ENOX1: variants seen among roughly 807,000 people sequenced by gnomAD.
ENOX1 encodes the protein ecto-NOX disulfide-thiol exchanger 1.
A neutral mutation model predicts 82.5 loss-of-function variants in ENOX1; 42 were observed. That is an observed-to-expected ratio of 0.51 (90% confidence interval 0.40 to 0.66). The LOEUF (loss-of-function observed/expected upper bound fraction) is 0.66, where lower values mean the gene tolerates loss of function less well. ENOX1 is among the 30% of genes least tolerant of loss of function. The pLI is 0.00. For missense variants in ENOX1, 608 were observed against 811.6 expected (o/e 0.75, Z 3.05); for synonymous variants, 271 against 282.2 (o/e 0.96, Z 0.40).
chr13:43,726,691 G>A (rs1381603368), intron 1 of ENOX1, among the ~76,000 whole-genome samples: 1 of 151,838 alleles, frequency 6.6e-6, no homozygotes, highest in Non-Finnish European at 1.5e-5. Flanking sequence ...AGCTCTAAAG[G>A]AGGAAACTGA....
At position 43,413,025 on chromosome 13, in the gene ENOX1, A is replaced by C. The variant is rs1253378566; in HGVS notation, c.-74-37T>G. On this transcript the variant is annotated intron_variant, in intron 3 of 16. Transcript: ENST00000690772. ...GACAGAAGTGTGGTGAGAAACCTTAATAGTTAACTGAGATAAAACGTCAAG... is the reference window on the plus strand; with the variant it reads ...GACAGAAGTGTGGTGAGAAACCTTACTAGTTAACTGAGATAAAACGTCAAG... The C allele has an allele frequency of 3.4e-6, 5 of 1,470,148 alleles. No individual in the cohort carries two copies. In the African/African-American group the frequency reaches 7.2e-5, roughly 21 times the overall value. 91.1% of individuals were successfully genotyped at this position (1,470,148 alleles called of 1,614,324 possible).
chr13:43,748,517 A>G (rs1348511069), intron 1 of ENOX1, among the ~76,000 whole-genome samples: 1 of 152,198 alleles, frequency 6.6e-6, no homozygotes, highest in African/African-American at 2.4e-5. Context: ...ATTACATTTT[A>G]GCACAGAGTT....
intron 1 of ENOX1, among the ~76,000 whole-genome samples, chr13:43,741,774 T>A (rs995228092): frequency 2.6e-5 from 4 of 152,254 alleles, no homozygotes; most frequent in African/African-American, 9.6e-5. Flanking sequence ...TTTGTTGCTG[T>A]TGCTCGTGCT....
intron 1 of ENOX1, among the ~76,000 whole-genome samples, chr13:43,702,076 A>G (rs2086937266): frequency 6.6e-6 from 1 of 152,230 alleles, no homozygotes; most frequent in African/African-American, 2.4e-5. Flanking sequence ...AGAATGTTAT[A>G]TAAATGGAAT....
At chr13:43,418,559 G>A (rs1481932086) in intron 3 of ENOX1, among the ~76,000 whole-genome samples, 1 of 152,032 alleles carries the variant, frequency 6.6e-6, no homozygotes, top group Non-Finnish European at 1.5e-5. Flanking sequence ...TAAATAATAC[G>A]ATGTAACTTA....
intron 1 of ENOX1, among the ~76,000 whole-genome samples, chr13:43,706,163 A>T (rs2087270989): frequency 6.6e-6 from 1 of 152,054 alleles, no homozygotes; most frequent in Non-Finnish European, 1.5e-5. Context: ...AAAAATCTGT[A>T]GATTTAAAAA....
intron 1 of ENOX1, among the ~76,000 whole-genome samples, chr13:43,687,371 T>C (rs2086129863): frequency 6.6e-6 from 1 of 152,168 alleles, no homozygotes. Flanking sequence ...ATCATGTCAA[T>C]CTGGAGTATT....
At chr13:43,669,399 A>T (rs1263601395) in intron 1 of ENOX1, among the ~76,000 whole-genome samples, 1 of 151,594 alleles carries the variant, frequency 6.6e-6, no homozygotes, top group African/African-American at 2.4e-5. Context: ...TCTCTGACTC[A>T]TTTTCCTTCT....
At chr13:43,519,069 G>A (rs1252179791) in intron 2 of ENOX1, among the ~76,000 whole-genome samples, 1 of 152,128 alleles carries the variant, frequency 6.6e-6, no homozygotes, top group Non-Finnish European at 1.5e-5. Context: ...GGGATCCAGA[G>A]AGCATGGATA....
chr13:43,563,217 A>G (rs2079764303), intron 2 of ENOX1, among the ~76,000 whole-genome samples: 1 of 152,186 alleles, frequency 6.6e-6, no homozygotes, highest in Admixed American at 6.5e-5. Flanking sequence ...ACAAAACTAG[A>G]AACCAAACAA....
intron 3 of ENOX1, among the ~76,000 whole-genome samples, chr13:43,462,696 T>C (rs997609386): frequency 3.3e-5 from 5 of 152,240 alleles, no homozygotes; most frequent in African/African-American, 1.2e-4. Context: ...TGGGATGCCA[T>C]GTGCCTAGCA....
chr13:43,754,238 T>C (rs1173717199), intron 1 of ENOX1, among the ~76,000 whole-genome samples: 2 of 148,522 alleles, frequency 1.3e-5, no homozygotes, highest in East Asian at 1.9e-4. Context: ...TGTATACATA[T>C]GTATATATAC....
chr13:43,538,148 C>G (rs76166250), intron 2 of ENOX1, among the ~76,000 whole-genome samples: 2 of 152,168 alleles, frequency 1.3e-5, no homozygotes, highest in African/African-American at 4.8e-5. Context: ...GGTGTGTGCA[C>G]GCTGATATAG....
intron 5 of ENOX1, among the ~76,000 whole-genome samples, chr13:43,389,726 T>A (rs1453039808): frequency 6.6e-6 from 1 of 152,178 alleles, no homozygotes; most frequent in Non-Finnish European, 1.5e-5. Context: ...AGCCCTAAGT[T>A]CATATGCCTG....
chr13:43,461,832 G>C (rs1185724886), intron 3 of ENOX1, among the ~76,000 whole-genome samples: 1 of 152,236 alleles, frequency 6.6e-6, no homozygotes, highest in East Asian at 1.9e-4. Context: ...AGGAGGCACA[G>C]AACCTTGTAT....
intron 16 of ENOX1, among the ~76,000 whole-genome samples, chr13:43,219,472 A>T (rs2041670711): frequency 6.6e-6 from 1 of 152,038 alleles, no homozygotes; most frequent in South Asian, 2.1e-4. Context: ...TGTTCCAAGA[A>T]ATTTGTGGCC....
chr13:43,616,495 C>T (rs1422672702), intron 2 of ENOX1, among the ~76,000 whole-genome samples: 3 of 151,660 alleles, frequency 2.0e-5, no homozygotes, highest in Non-Finnish European at 4.4e-5. Context: ...AGCCACCATA[C>T]CCAGCCGACA....
chr13:43,708,251 T>C (rs750536265), intron 1 of ENOX1, among the ~76,000 whole-genome samples: 1 of 152,146 alleles, frequency 6.6e-6, no homozygotes, highest in Non-Finnish European at 1.5e-5. Context: ...ATAAGCACAT[T>C]GGGCATGCAG....
chr13:43,494,831 C>T (rs13378247), intron 2 of ENOX1, among the ~76,000 whole-genome samples: 33,446 of 151,980 alleles, frequency 0.22, 4,009 homozygotes, highest in Middle Eastern at 0.29. Context: ...GTCAGTTAGA[C>T]AGCAGTGGAA....
Sources: allele counts gnomAD v4.1 joint callset (sites outside exome capture counted in the v4.1 genomes callset), GRCh38; gene constraint gnomAD v4.1.1; transcripts MANE v1.5; gene names NCBI Gene and HGNC (gene_info 2026-07-23, HGNC 2026-07-21).